Variants in CSMD1 observed in about 807,000 individuals in gnomAD.
The protein encoded by CSMD1 is CUB and sushi domain-containing protein 1.
A neutral mutation model predicts 417.5 loss-of-function variants in CSMD1; 213 were observed. The ratio of observed to expected loss-of-function variants is 0.51; its 90% CI spans 0.46 to 0.57. The LOEUF (loss-of-function observed/expected upper bound fraction) is 0.57, where lower values mean the gene tolerates loss of function less well. Ranked by LOEUF, CSMD1 falls within the 20% of genes least tolerant of loss-of-function variation. CSMD1 has a pLI of 0.00. For synonymous variants in CSMD1, 2,862 were observed against 1,736.8 expected, an observed-to-expected ratio of 1.65 and a Z score of -16.11; for missense variants, 6,923 against 4,529.7, an observed-to-expected ratio of 1.53 and a Z score of -15.17.
At position 4,137,640 on chromosome 8, in the gene CSMD1, A is replaced by G. The variant is rs1803516999; in HGVS notation, c.416-105541T>C. 1.5e-5 allele frequency among the ~76,000 whole-genome samples: 2 copies of G among 131,588 alleles called. 1 individual carries two copies. Among genetic ancestry groups the G allele is most frequent in the African/African-American group, 5.0e-5 (2 of 40,378 alleles). The allele number at this position is 131,588 out of a possible 152,430, so 86.3% of individuals were successfully genotyped here. On this transcript the variant is annotated intron_variant, in intron 3 of 69. Transcript: ENST00000635120. ...ACTGTTAATTGATCACATTTTTATAAGCAGTTTCAATATAAATTCATACTG... is the reference window on the plus strand; with the variant it reads ...ACTGTTAATTGATCACATTTTTATAGGCAGTTTCAATATAAATTCATACTG...
chr8:3,904,209 A>G (rs937553563), intron 5 of CSMD1, among the ~76,000 whole-genome samples: 4 of 152,166 alleles, frequency 2.6e-5, no homozygotes, highest in Admixed American at 2.6e-4. Context: ...ATTCTGAAGT[A>G]ACTTATGGAT....
chr8:3,730,370 A>AGTTT (rs1554524167), intron 6 of CSMD1, among the ~76,000 whole-genome samples: 1 of 131,856 alleles, frequency 7.6e-6, no homozygotes, highest in South Asian at 2.5e-4. Flanking sequence ...TTAAGGAGCG[A>AGTTT]TTTTTTTTTT....
intron 2 of CSMD1, among the ~76,000 whole-genome samples, chr8:4,595,132 G>C (rs1413124872): frequency 6.6e-6 from 1 of 151,986 alleles, no homozygotes; most frequent in Non-Finnish European, 1.5e-5. Context: ...TTGGAATTCT[G>C]AGCATCCTCA....
intron 5 of CSMD1, among the ~76,000 whole-genome samples, chr8:3,978,516 C>G (rs1191415607): frequency 1.3e-5 from 2 of 152,072 alleles, no homozygotes. Flanking sequence ...ACCACGCAGC[C>G]TGAAACACAC....
At chr8:3,359,881 T>G (rs1199690566) in intron 20 of CSMD1, among the ~76,000 whole-genome samples, 1 of 152,180 alleles carries the variant, frequency 6.6e-6, no homozygotes, top group Non-Finnish European at 1.5e-5. Flanking sequence ...ACAATTATTA[T>G]GTAACTAGAA....
chr8:4,081,285 C>G (rs975532782), intron 3 of CSMD1, among the ~76,000 whole-genome samples: 2 of 152,194 alleles, frequency 1.3e-5, no homozygotes, highest in African/African-American at 4.8e-5. Flanking sequence ...CGATTCTCGT[C>G]TCCTAGCAGG....
At chr8:3,341,016 A>G (rs564042497) in intron 23 of CSMD1, among the ~76,000 whole-genome samples, 2 of 152,218 alleles carry the variant, frequency 1.3e-5, no homozygotes, top group African/African-American at 4.8e-5. Context: ...GTAGAATTGG[A>G]AAGTGCCCAC....
intron 5 of CSMD1, among the ~76,000 whole-genome samples, chr8:3,957,830 A>T (rs1812066041): frequency 6.6e-6 from 1 of 152,240 alleles, no homozygotes; most frequent in African/African-American, 2.4e-5. Flanking sequence ...ATGAAGGGAT[A>T]ATCACAAATT....
At position 4,146,382 on chromosome 8, in the gene CSMD1, C is replaced by G. The variant is rs560500507; in HGVS notation, c.416-114283G>C. On this transcript the variant is annotated intron_variant, in intron 3 of 69. Transcript: ENST00000635120. ...GCCCAACATCGACTTGCAGAGCTGG[C>G]AATTCGGGGTTGATAATGTGGCACA... Among the ~76,000 whole-genome samples, 31 of 150,520 alleles carry G rather than the reference C, an allele frequency of 2.1e-4. 1 individual carries two copies. Among genetic ancestry groups the G allele is most frequent in the African/African-American group, 7.7e-4 (31 of 40,058 alleles).
chr8:3,919,713 T>G (rs1403249188), intron 5 of CSMD1, among the ~76,000 whole-genome samples: 2 of 152,166 alleles, frequency 1.3e-5, no homozygotes, highest in Non-Finnish European at 2.9e-5. Context: ...AATCTGTAGA[T>G]GACTTTGCGT....
intron 1 of CSMD1, among the ~76,000 whole-genome samples, chr8:4,651,611 G>T (rs1803900486): frequency 6.6e-6 from 1 of 152,104 alleles, no homozygotes; most frequent in Admixed American, 6.5e-5. Flanking sequence ...AGGCCCACAT[G>T]GTTAATATTC....
At chr8:3,812,348 T>C (rs1801135813) in intron 5 of CSMD1, among the ~76,000 whole-genome samples, 1 of 152,194 alleles carries the variant, frequency 6.6e-6, no homozygotes, top group Admixed American at 6.5e-5. Flanking sequence ...GAATGACAAT[T>C]TGTCCTCAGC....
chr8:4,326,460 T>C (rs1322794907), intron 3 of CSMD1, among the ~76,000 whole-genome samples: 2 of 152,084 alleles, frequency 1.3e-5, no homozygotes, highest in Admixed American at 6.6e-5. Flanking sequence ...AGAATGCATA[T>C]ATGCTTGACA....
chr8:3,183,998 T>C (rs180836313), intron 36 of CSMD1, among the ~76,000 whole-genome samples: 186 of 152,298 alleles, frequency 1.2e-3, no homozygotes, highest in African/African-American at 4.2e-3. Context: ...CAAATGTATA[T>C]ATGATGAGAC....
At chr8:3,493,176 C>T (rs1225934678) in intron 11 of CSMD1, among the ~76,000 whole-genome samples, 1 of 151,702 alleles carries the variant, frequency 6.6e-6, no homozygotes, top group Non-Finnish European at 1.5e-5. Context: ...CACCTGTAAT[C>T]CCAGCTACTC....
At position 3,708,464 on chromosome 8, in the gene CSMD1, C is replaced by G; in HGVS notation, c.959G>C (p.Arg320Thr). ...QVKKAIELKS[R>T]GVKMLPSKDG... ...CTTGCTGGGCAGCATCTTGACTCCTCTTGACTTCAACTCAATCGCCTTTTT... is the reference window on the plus strand; with the variant it reads ...CTTGCTGGGCAGCATCTTGACTCCTGTTGACTTCAACTCAATCGCCTTTTT... Residue 320 changes from arginine (R) to threonine (T), a missense_variant, in exon 7 of 70, where the codon AGA (arginine) becomes ACA (threonine). By Grantham distance (71) the Arg-to-Thr change is moderately conservative. Transcript: ENST00000635120. 2 of 1,613,952 alleles carry G rather than the reference C, an allele frequency of 1.2e-6. No homozygotes were observed. The highest frequency in any genetic ancestry group is 1.7e-6 in the Non-Finnish European group (2 of 1,179,894).
intron 1 of CSMD1, among the ~76,000 whole-genome samples, chr8:4,815,164 T>C (rs923744455): frequency 6.6e-6 from 1 of 152,148 alleles, no homozygotes; most frequent in Non-Finnish European, 1.5e-5. Context: ...CGTGTAATAA[T>C]GAATGTCTCC....
At chr8:4,393,680 T>C (rs965086879) in intron 3 of CSMD1, among the ~76,000 whole-genome samples, 6 of 152,170 alleles carry the variant, frequency 3.9e-5, no homozygotes, top group African/African-American at 1.4e-4. Flanking sequence ...ACTCCTATAC[T>C]ATAATTAACC....
intron 7 of CSMD1, among the ~76,000 whole-genome samples, chr8:3,700,138 C>A (rs1377973531): frequency 6.6e-6 from 1 of 152,082 alleles, no homozygotes; most frequent in Non-Finnish European, 1.5e-5. Context: ...GGATAAAAGA[C>A]AACAAATATG....
Sources: gnomAD v4.1 joint callset for allele counts (sites outside exome capture counted in the v4.1 genomes callset) on GRCh38, gnomAD v4.1.1 for gene constraint, MANE v1.5 for transcripts, NCBI Gene and HGNC (gene_info 2026-07-23, HGNC 2026-07-21) for gene names.